Variants in TRIM9 observed in about 807,000 individuals in gnomAD.
TRIM9 encodes the protein E3 ubiquitin-protein ligase TRIM9.
A neutral mutation model predicts 78.3 loss-of-function variants in TRIM9; 26 were observed. The observed-to-expected ratio is 0.33, with a 90% confidence interval of 0.24 to 0.46. The LOEUF (loss-of-function observed/expected upper bound fraction) is 0.46. Ranked by LOEUF, TRIM9 falls within the 20% of genes least tolerant of loss-of-function variation. TRIM9 has a pLI of 1.00. For synonymous variants in TRIM9, 398 were observed against 416.5 expected, an observed-to-expected ratio of 0.96 and a Z score of 0.54; for missense variants, 787 against 1,036.4, an observed-to-expected ratio of 0.76 and a Z score of 3.30.
intron 2 of TRIM9, among the ~76,000 whole-genome samples, chr14:51,023,237 A>G (rs538350213): frequency 2.4e-4 from 36 of 152,210 alleles, no homozygotes; most frequent in Non-Finnish European, 4.7e-4. Context: ...GCTTTAGTTC[A>G]TAGAGTTGTT....
At chr14:50,978,395 C>A (rs773663546) in intron 12 of TRIM9, among the ~76,000 whole-genome samples, 1 of 152,174 alleles carries the variant, frequency 6.6e-6, no homozygotes, top group Non-Finnish European at 1.5e-5. Context: ...GCTCTTCCCC[C>A]ATGCATGGCT....
At chr14:51,027,985 G>T (rs1257195727) in intron 1 of TRIM9, among the ~76,000 whole-genome samples, 1 of 152,178 alleles carries the variant, frequency 6.6e-6, no homozygotes, top group Non-Finnish European at 1.5e-5. Context: ...GCTGCCTGGT[G>T]TCTTGTATTC....
chr14:51,036,849 G>T (rs997027717), intron 1 of TRIM9, among the ~76,000 whole-genome samples: 10 of 152,124 alleles, frequency 6.6e-5, no homozygotes, highest in Admixed American at 2.6e-4. Flanking sequence ...TTATCACAGG[G>T]AAATTTGGGC....
intron 1 of TRIM9, among the ~76,000 whole-genome samples, chr14:51,041,855 T>C (rs1390566856): frequency 6.6e-6 from 1 of 152,236 alleles, no homozygotes; most frequent in Non-Finnish European, 1.5e-5. Flanking sequence ...AACATTTATA[T>C]AAAGAATAAT....
chr14:50,995,543 G>A (rs1161269948), intron 7 of TRIM9, among the ~76,000 whole-genome samples: 9 of 152,172 alleles, frequency 5.9e-5, no homozygotes, highest in Non-Finnish European at 1.2e-4. Context: ...ATCAGCAAAA[G>A]GTTTTGTGAA....
chr14:51,037,981 G>A (rs1054185363), intron 1 of TRIM9, among the ~76,000 whole-genome samples: 1 of 152,156 alleles, frequency 6.6e-6, no homozygotes, highest in Non-Finnish European at 1.5e-5. Flanking sequence ...GGGTGACTGG[G>A]TTCAATCTCC....
Position 50,975,410 on chromosome 14 carries a change from G to A in TRIM9, c.*1881C>T, listed in dbSNP as rs1055246977. ...TAATTAGCAGGATGAATTTAATAAA[G>A]AACAAGAGGAACTATGAGTCTACCA... On this transcript the variant is annotated 3_prime_UTR_variant, in exon 13 of 13. Transcript: ENST00000684578. 1 of 152,586 alleles carries A rather than the reference G, an allele frequency of 6.6e-6. No homozygotes were observed. The highest frequency in any genetic ancestry group is 1.5e-5 in the Non-Finnish European group (1 of 68,038). 9.5% of individuals were successfully genotyped at this position (152,586 alleles called of 1,614,324 possible). A position where few individuals can be genotyped will look rare whatever the true frequency, so the allele number is the denominator to read the frequency against.
intron 5 of TRIM9, among the ~76,000 whole-genome samples, chr14:51,001,475 C>T (rs1474921389): frequency 6.6e-6 from 1 of 151,926 alleles, no homozygotes; most frequent in East Asian, 1.9e-4. Context: ...GTGATCCGCC[C>T]GCCTCTGCCT....
chr14:51,025,842 T>C (rs2058180119), intron 1 of TRIM9, among the ~76,000 whole-genome samples: 3 of 152,062 alleles, frequency 2.0e-5, no homozygotes, highest in Admixed American at 1.3e-4. Flanking sequence ...TTAAATATAA[T>C]CACAAATTCA....
intron 3 of TRIM9, among the ~76,000 whole-genome samples, chr14:51,010,936 G>C (rs2056491825): frequency 6.6e-6 from 1 of 152,148 alleles, no homozygotes; most frequent in Non-Finnish European, 1.5e-5. Context: ...CTTGTAAAGA[G>C]CAGACATCAC....
intron 1 of TRIM9, among the ~76,000 whole-genome samples, chr14:51,042,955 T>C: frequency 6.6e-6 from 1 of 152,236 alleles, no homozygotes; most frequent in East Asian, 1.9e-4. Context: ...CATACATGTC[T>C]CTATATATCT....
rs188223061 is a variant in TRIM9, at chr14:51,025,936, T to A, written c.823-576A>T. Among the ~76,000 whole-genome samples the A allele has an allele frequency of 4.6e-5, 7 of 152,264 alleles. No individual in the cohort carries two copies. In the East Asian group the frequency reaches 9.7e-4, roughly 21 times the overall value. ...CAGCCCTGCTGCCCTAGCACATTTG[T>A]GTCCTCTCCTCACTAGCCTCCGACA... On this transcript the variant is annotated intron_variant, in intron 1 of 12. Transcript: ENST00000684578.
intron 1 of TRIM9, among the ~76,000 whole-genome samples, chr14:51,069,268 T>G (rs2140219686): frequency 6.6e-6 from 1 of 152,314 alleles, no homozygotes; most frequent in Non-Finnish European, 1.5e-5. Flanking sequence ...TAAGGTGCCC[T>G]TAAGTGGTTC....
intron 1 of TRIM9, among the ~76,000 whole-genome samples, chr14:51,034,318 C>T (rs568673337): frequency 1.6e-4 from 25 of 152,168 alleles, no homozygotes; most frequent in African/African-American, 6.0e-4. Context: ...AGAATTTAGG[C>T]CTTAACTAGG....
Position 50,979,659 on chromosome 14 carries a change from C to A in TRIM9, c.2163-110G>T. Reference sequence around the variant, plus strand: ...TGCAACCTGTTTATAATCATCACTACCCCAAAACCGTTTCCCTAATCATCC... The same window carrying A: ...TGCAACCTGTTTATAATCATCACTAACCCAAAACCGTTTCCCTAATCATCC... On this transcript the variant is annotated intron_variant, in intron 11 of 12. Coordinates refer to ENST00000684578, the MANE Select transcript of TRIM9 (RefSeq NM_001387360.1). 4 of 883,622 alleles carry A rather than the reference C, an allele frequency of 4.5e-6. No individual in the cohort carries two copies. The South Asian group carries it at 4.8e-5, about 11-fold the overall frequency. The allele number at this position is 883,622 out of a possible 1,614,324, so 54.7% of individuals were successfully genotyped here.
At chr14:51,011,062 G>A (rs2056511923) in intron 3 of TRIM9, among the ~76,000 whole-genome samples, 1 of 152,162 alleles carries the variant, frequency 6.6e-6, no homozygotes, top group Non-Finnish European at 1.5e-5. Flanking sequence ...GGTGGAGCTT[G>A]GGAGAGGTAA....
At chr14:51,072,068 A>G (rs1364343357) in intron 1 of TRIM9, among the ~76,000 whole-genome samples, 1 of 152,222 alleles carries the variant, frequency 6.6e-6, no homozygotes, top group Non-Finnish European at 1.5e-5. Context: ...TGGGCTGCCC[A>G]TGCTGTGTGC....
chr14:51,001,345 T>C (rs900116985), intron 5 of TRIM9, among the ~76,000 whole-genome samples: 1 of 151,194 alleles, frequency 6.6e-6, no homozygotes, highest in South Asian at 2.1e-4. Flanking sequence ...TTCTCCTGCC[T>C]CAGCCTCCGG....
intron 1 of TRIM9, among the ~76,000 whole-genome samples, chr14:51,093,396 G>A (rs1203296256): frequency 1.3e-5 from 2 of 152,238 alleles, no homozygotes; most frequent in Non-Finnish European, 2.9e-5. Context: ...CTGGCTTCCA[G>A]GCCGCGACTG....
Sources: gnomAD v4.1 joint callset for allele counts (sites outside exome capture counted in the v4.1 genomes callset) on GRCh38, gnomAD v4.1.1 for gene constraint, MANE v1.5 for transcripts, NCBI Gene and HGNC (gene_info 2026-07-23, HGNC 2026-07-21) for gene names.